Variants in FBP2 observed in about 807,000 individuals in gnomAD.
FBP2 encodes fructose-bisphosphatase 2.
FBP2 carries 27 observed loss-of-function variants against 31.6 expected under a neutral mutation model. The observed-to-expected ratio is 0.85, with a 90% CI of 0.63 to 1.18. The LOEUF (loss-of-function observed/expected upper bound fraction) is 1.18. Ranked by LOEUF, FBP2 falls within the 50% of genes most tolerant of loss-of-function variation. The pLI, the probability that FBP2 is intolerant of heterozygous loss-of-function variation, is 0.00. For synonymous variants in FBP2, 168 were observed against 179.8 expected (o/e 0.93, Z 0.53); for missense variants, 421 against 436.1 (o/e 0.97, Z 0.31).
At chr9:94,580,428 G>A (rs1239714845) in intron 3 of FBP2, among the ~76,000 whole-genome samples, 1 of 152,124 alleles carries the variant, frequency 6.6e-6, no homozygotes, top group Non-Finnish European at 1.5e-5. Flanking sequence ...TGTTGGCCAG[G>A]CTGGTCTTGA....
Position 94,567,368 on chromosome 9 carries a change from T to C in FBP2, c.607A>G (p.Ile203Val), listed in dbSNP as rs778868837. 5 of 1,614,172 alleles carry C rather than the reference T, an allele frequency of 3.1e-6. No homozygotes were observed. The highest frequency in any genetic ancestry group is 3.3e-5 in the Admixed American group (2 of 60,022). ...CTGTAAATCTTTCCTTTCTTCTTAA[T>C]CTTGACATCTTTTTCCACCAGGACA... is the stretch of plus-strand genomic sequence containing the variant. ...EFVLVEKDVK[I>V]KKKGKIYSLN... is the part of the protein sequence containing the mutation. The change falls in exon 5 of 7, where the codon ATT (isoleucine) becomes GTT (valine). Residue 203 changes from isoleucine to valine, a missense_variant. Physicochemically the swap from Ile to Val is conservative, Grantham distance 29. Transcript: ENST00000375337.
intron 6 of FBP2, among the ~76,000 whole-genome samples, chr9:94,562,492 A>G (rs1056827218): frequency 2.0e-5 from 3 of 152,062 alleles, no homozygotes; most frequent in Admixed American, 2.0e-4. Context: ...TGATACACCA[A>G]CCTATTAAAA....
At chr9:94,592,035 C>T (rs1252442568) in intron 1 of FBP2, among the ~76,000 whole-genome samples, 1 of 152,134 alleles carries the variant, frequency 6.6e-6, no homozygotes, top group African/African-American at 2.4e-5. Flanking sequence ...GGATGAATCA[C>T]CCTGAGATGG....
intron 4 of FBP2, chr9:94,569,871 CCCA>C (rs1234541970): frequency 6.6e-6 from 1 of 152,250 alleles, no homozygotes; most frequent in Non-Finnish European, 1.5e-5. Context: ...CTCAGTTTGA[CCCA>C]CCAGGGAATG....
chr9:94,558,767 A>C lies in FBP2; in HGVS notation c.*171T>G. The C allele has an allele frequency of 3.2e-6, 2 of 625,384 alleles. No individual in the cohort carries two copies. Among genetic ancestry groups the C allele is most frequent in the Middle Eastern group, 3.5e-4 (1 of 2,888 alleles). 38.7% of individuals were successfully genotyped at this position (625,384 alleles called of 1,614,324 possible). A position where few individuals can be genotyped will look rare whatever the true frequency, so the allele number is the denominator to read the frequency against. ...TCTAGTCCTTCACATTGACCATAGA[A>C]TCGCCTGTGGCTTCCAAACCTGTCG... On this transcript the variant is annotated 3_prime_UTR_variant, in exon 7 of 7. Coordinates refer to ENST00000375337, the MANE Select transcript of FBP2 (RefSeq NM_003837.4).
At chr9:94,573,448 G>A (rs1827288632) in intron 3 of FBP2, among the ~76,000 whole-genome samples, 1 of 151,996 alleles carries the variant, frequency 6.6e-6, no homozygotes, top group Non-Finnish European at 1.5e-5. Context: ...TTTTGAGATG[G>A]GGGTCTTGCT....
intron 1 of FBP2, among the ~76,000 whole-genome samples, chr9:94,588,148 G>C (rs1827449734): frequency 6.6e-6 from 1 of 152,204 alleles, no homozygotes; most frequent in South Asian, 2.1e-4. Flanking sequence ...ACCATGCCCG[G>C]CCAAGCCCTG....
In FBP2 at chr9:94,588,970, C is replaced by T. The variant is rs533813459; in HGVS notation, c.171-1501G>A. On this transcript the variant is annotated intron_variant, in intron 1 of 6. Transcript: ENST00000375337. ...CTCAAGAGCCATGTGACGGCCACCC[C>T]AGTCAAGCTTTGGCTCAAGGATCAT... Among the ~76,000 whole-genome samples the T allele has an allele frequency of 2.0e-5, 3 of 152,322 alleles. No homozygotes were observed. In the South Asian group the frequency reaches 6.2e-4, roughly 32 times the overall value.
At chr9:94,590,322 CCT>C (rs1162286503) in intron 1 of FBP2, among the ~76,000 whole-genome samples, 4 of 152,188 alleles carry the variant, frequency 2.6e-5, no homozygotes, top group Non-Finnish European at 5.9e-5. Context: ...GGCACTCCAG[CCT>C]CTCTTGTTCC....
intron 3 of FBP2, among the ~76,000 whole-genome samples, chr9:94,583,326 A>G (rs890091246): frequency 6.6e-6 from 1 of 152,234 alleles, no homozygotes; most frequent in Non-Finnish European, 1.5e-5. Flanking sequence ...AACTGCTACT[A>G]TGTCTTAATC....
Position 94,577,547 on chromosome 9 carries a change from G to A in FBP2, c.427-5945C>T, listed in dbSNP as rs772551599. On this transcript the variant is annotated intron_variant, in intron 3 of 6. Transcript: ENST00000375337. ...GCTTTAAATCTGCTGTTATTAAACT[G>A]CTGGCGCGAGACAAGACTCATTATT... 4 of 152,100 alleles carry A rather than the reference G, an allele frequency of 2.6e-5. No individual in the cohort carries two copies. The South Asian group carries it at 8.3e-4, about 32-fold the overall frequency. The allele number at this position is 152,100 out of a possible 1,614,324, so 9.4% of individuals were successfully genotyped here.
At chr9:94,562,635 C>T (rs1019018431) in intron 6 of FBP2, among the ~76,000 whole-genome samples, 2 of 152,136 alleles carry the variant, frequency 1.3e-5, no homozygotes, top group South Asian at 2.1e-4. Flanking sequence ...TCAGAGAAAA[C>T]AGAGGCCTTT....
At chr9:94,588,808 T>C (rs1827459658) in intron 1 of FBP2, among the ~76,000 whole-genome samples, 1 of 152,110 alleles carries the variant, frequency 6.6e-6, no homozygotes, top group South Asian at 2.1e-4. Context: ...CCGTGGAATC[T>C]CTGCGCCCGG....
intron 3 of FBP2, among the ~76,000 whole-genome samples, chr9:94,573,485 C>T (rs1200907115): frequency 6.6e-6 from 1 of 151,728 alleles, no homozygotes; most frequent in South Asian, 2.1e-4. Flanking sequence ...TCTCAAACTC[C>T]TGGCCTCAAG....
At chr9:94,570,218 A>G (rs550460141) in intron 4 of FBP2, 1 of 152,320 alleles carries the variant, frequency 6.6e-6, no homozygotes, top group African/African-American at 2.4e-5. Context: ...GAGTCAAAGC[A>G]TCTCCCATCA....
chr9:94,588,729 C>A (rs1367124081), intron 1 of FBP2, among the ~76,000 whole-genome samples: 1 of 150,194 alleles, frequency 6.7e-6, no homozygotes, highest in Non-Finnish European at 1.5e-5. Context: ...CAGGAGGGGT[C>A]CTCCTAAAGT....
In FBP2 at chr9:94,558,794, A is replaced by G. The variant is rs1827047292; in HGVS notation, c.*144T>C. 3 of 741,320 alleles carry G rather than the reference A, an allele frequency of 4.0e-6. No individual in the cohort carries two copies. Among genetic ancestry groups the G allele is most frequent in the South Asian group, 3.3e-5 (2 of 60,108 alleles). The allele number at this position is 741,320 out of a possible 1,614,324, so 45.9% of individuals were successfully genotyped here. The stretch of plus-strand genomic sequence containing the variant: ...CGCCTGTGGCTTCCAAACCTGTCGT[A>G]AGCAGTTTGTTGTTGCTCTTCTGTA... On this transcript the variant is annotated 3_prime_UTR_variant, in exon 7 of 7. Transcript: ENST00000375337.
chr9:94,592,368 G>A (rs1564189047), intron 1 of FBP2, among the ~76,000 whole-genome samples: 1 of 152,144 alleles, frequency 6.6e-6, no homozygotes, highest in Admixed American at 6.5e-5. Flanking sequence ...ATCACTTTTT[G>A]TGTTAAAAGC....
intron 3 of FBP2, among the ~76,000 whole-genome samples, chr9:94,580,247 T>C (rs12350611): frequency 0.016 from 2,466 of 152,348 alleles, 70 homozygotes; most frequent in African/African-American, 0.055. Context: ...GTTTGTTTGT[T>C]TGAGACAGAA....
Sources: gnomAD v4.1 joint callset for allele counts (sites outside exome capture counted in the v4.1 genomes callset) on GRCh38, gnomAD v4.1.1 for gene constraint, MANE v1.5 for transcripts, NCBI Gene and HGNC (gene_info 2026-07-23, HGNC 2026-07-21) for gene names.